Variants in TNKS observed in about 807,000 individuals in gnomAD.
TNKS encodes the protein tankyrase.
Under a neutral mutation model 135.8 loss-of-function variants are expected in TNKS, and 72 were observed. The ratio of observed to expected loss-of-function variants is 0.53; its 90% CI spans 0.44 to 0.64. The LOEUF (loss-of-function observed/expected upper bound fraction) is 0.64. Ranked by LOEUF, TNKS falls within the 30% of genes least tolerant of loss-of-function variation. The probability of loss-of-function intolerance (pLI) is 0.00; values close to 1 mark genes in which losing one functional copy is unlikely to be tolerated. For synonymous variants in TNKS, 849 were observed against 649.3 expected, an observed-to-expected ratio of 1.31 and a Z score of -4.68; for missense variants, 1,769 against 1,674.0, an observed-to-expected ratio of 1.06 and a Z score of -0.99.
chr8:9,618,812 A>T (rs1013665817), intron 3 of TNKS, among the ~76,000 whole-genome samples: 1 of 152,184 alleles, frequency 6.6e-6, no homozygotes, highest in Admixed American at 6.5e-5. Flanking sequence ...GGTGTACTTT[A>T]TTTATAACCT....
At chr8:9,568,587 A>C (rs898174927) in intron 1 of TNKS, among the ~76,000 whole-genome samples, 2 of 152,318 alleles carry the variant, frequency 1.3e-5, no homozygotes, top group African/African-American at 4.8e-5. Context: ...CTATTTTCTA[A>C]AGGAAATAAT....
chr8:9,731,460 C>CAA (rs36213271), intron 14 of TNKS, among the ~76,000 whole-genome samples: 4,668 of 67,370 alleles, frequency 0.069, 246 homozygotes, highest in Non-Finnish European at 0.1. Context: ...AATTCCATCT[C>CAA]AAAAAAAAAA....
intron 26 of TNKS, among the ~76,000 whole-genome samples, chr8:9,771,406 G>C (rs899445890): frequency 9.8e-6 from 1 of 101,712 alleles, no homozygotes; most frequent in Non-Finnish European, 2.3e-5. Context: ...GGGAAAGAAA[G>C]GGAGACAGAT....
At chr8:9,734,500 G>C (rs902517036) in intron 15 of TNKS, among the ~76,000 whole-genome samples, 1 of 152,092 alleles carries the variant, frequency 6.6e-6, no homozygotes, top group Non-Finnish European at 1.5e-5. Flanking sequence ...TACCTACTGA[G>C]TATCTTTATG....
rs576497182 is a variant in TNKS at position 9,746,761 on chromosome 8, C to G, written c.2644-1263C>G. Reference sequence around the variant, plus strand: ...GAGAGTGAGTAAGTGAATGATGCCCCCTCGACTGTGCTCCAACCTTTTCTG... The same window carrying G: ...GAGAGTGAGTAAGTGAATGATGCCCGCTCGACTGTGCTCCAACCTTTTCTG... On this transcript the variant is annotated intron_variant, in intron 17 of 26. Coordinates refer to ENST00000310430, the MANE Select transcript of TNKS (RefSeq NM_003747.3). Among the ~76,000 whole-genome samples, 13 of 152,168 alleles carry G rather than the reference C, an allele frequency of 8.5e-5. No individual in the cohort carries two copies. In the East Asian group the frequency reaches 2.3e-3, roughly 27 times the overall value.
intron 2 of TNKS, among the ~76,000 whole-genome samples, chr8:9,588,429 C>A (rs1221579244): frequency 6.6e-6 from 1 of 152,106 alleles, no homozygotes. Context: ...CACCCGCCAC[C>A]ACGCCCAGCT....
chr8:9,572,517 T>C lies in TNKS; in HGVS notation c.674-7642T>C, dbSNP rs138167711. Among the ~76,000 whole-genome samples the C allele has an allele frequency of 1.9e-3, 287 of 152,338 alleles. 1 individual carries two copies. The highest frequency in any genetic ancestry group is 6.6e-3 in the African/African-American group (275 of 41,564). ...TCTTACGTTTTCTCTTATTCTCTTC[T>C]GTTTCATGTCACTAGTCTTTCCCTA... On this transcript the variant is annotated intron_variant, in intron 1 of 26. Coordinates refer to ENST00000310430, the MANE Select transcript of TNKS (RefSeq NM_003747.3).
chr8:9,624,130 G>A (rs1020832940), intron 3 of TNKS, among the ~76,000 whole-genome samples: 1 of 152,024 alleles, frequency 6.6e-6, no homozygotes, highest in African/African-American at 2.4e-5. Context: ...AAGCCACCAG[G>A]CTTACATCAT....
intron 8 of TNKS, among the ~76,000 whole-genome samples, chr8:9,708,015 A>G (rs532399821): frequency 6.6e-6 from 1 of 152,320 alleles, no homozygotes; most frequent in South Asian, 2.1e-4. Flanking sequence ...ATGTAGACCT[A>G]TCTCTTGTTT....
chr8:9,765,939 T>G, intron 24 of TNKS, 142 bp downstream of exon 24: 1 of 682,234 alleles, frequency 1.5e-6, no homozygotes, highest in Non-Finnish European at 2.4e-6. Context: ...TAATTACTTC[T>G]TGGTACCAGC....
At chr8:9,588,124 C>T (rs1223672714) in intron 2 of TNKS, among the ~76,000 whole-genome samples, 1 of 152,074 alleles carries the variant, frequency 6.6e-6, no homozygotes, top group Non-Finnish European at 1.5e-5. Flanking sequence ...AATTATCTTA[C>T]TAAGAAACTT....
At chr8:9,656,104 C>T (rs1395405046) in intron 3 of TNKS, among the ~76,000 whole-genome samples, 1 of 152,144 alleles carries the variant, frequency 6.6e-6, no homozygotes, top group Non-Finnish European at 1.5e-5. Flanking sequence ...ATGCACAAGC[C>T]TCAGTAGCCA....
chr8:9,621,780 C>A (rs959937705), intron 3 of TNKS, among the ~76,000 whole-genome samples: 4 of 152,234 alleles, frequency 2.6e-5, no homozygotes, highest in Admixed American at 1.3e-4. Flanking sequence ...ATTATACAGA[C>A]TGCATCCTAG....
intron 17 of TNKS, among the ~76,000 whole-genome samples, chr8:9,735,890 A>T (rs1158696575): frequency 6.6e-6 from 1 of 152,110 alleles, no homozygotes; most frequent in Non-Finnish European, 1.5e-5. Flanking sequence ...TTAAGTAAGT[A>T]GATATCTAAC....
At chr8:9,684,802 A>G (rs1188963395) in intron 5 of TNKS, among the ~76,000 whole-genome samples, 1 of 152,100 alleles carries the variant, frequency 6.6e-6, no homozygotes, top group Non-Finnish European at 1.5e-5. Context: ...GGAGATAACT[A>G]TATGGTTGAT....
chr8:9,749,203 C>A (rs1029481251), intron 18 of TNKS, among the ~76,000 whole-genome samples: 1 of 152,160 alleles, frequency 6.6e-6, no homozygotes, highest in Non-Finnish European at 1.5e-5. Flanking sequence ...AATTTCGTGG[C>A]CATCTTTAAT....
chr8:9,763,418 T>A (rs898105839), intron 22 of TNKS, among the ~76,000 whole-genome samples, 174 bp downstream of exon 22: 1 of 152,134 alleles, frequency 6.6e-6, no homozygotes, highest in Admixed American at 6.5e-5. Flanking sequence ...GCCCCATGGT[T>A]TTCACATCAT....
chr8:9,712,338 G>A (rs1804379779), intron 11 of TNKS, among the ~76,000 whole-genome samples: 1 of 151,900 alleles, frequency 6.6e-6, no homozygotes, highest in Non-Finnish European at 1.5e-5. Context: ...AAATTAGCCA[G>A]TCGTGGTGGT....
rs139927320 is a variant in TNKS at position 9,764,596 on chromosome 8, A to G, written c.3373-120A>G. ...TCTCACCAAAAATACTTATCCACTA[A>G]ACTTGTTCATCAATTTATAGTGAAC... On this transcript the variant is annotated intron_variant, in intron 22 of 26. Transcript: ENST00000310430. 9.5e-4 allele frequency: 561 copies of G among 593,228 alleles called. 3 individuals are homozygous for G. The East Asian group carries it at 0.015, about 16-fold the overall frequency. 36.7% of individuals were successfully genotyped at this position (593,228 alleles called of 1,614,324 possible). A position where few individuals can be genotyped will look rare whatever the true frequency, so the allele number is the denominator to read the frequency against.
Sources: gnomAD v4.1 joint callset for allele counts (sites outside exome capture counted in the v4.1 genomes callset) on GRCh38, gnomAD v4.1.1 for gene constraint, MANE v1.5 for transcripts, NCBI Gene and HGNC (gene_info 2026-07-23, HGNC 2026-07-21) for gene names.